GSE1: variants seen among roughly 807,000 people sequenced by gnomAD.
GSE1 encodes Gse1 coiled-coil protein.
Under a neutral mutation model 112.6 loss-of-function variants are expected in GSE1, and 32 were observed. The observed-to-expected ratio is 0.28, with a 90% CI of 0.21 to 0.38. The LOEUF (loss-of-function observed/expected upper bound fraction) is 0.38, where lower values mean the gene tolerates loss of function less well. Among genes scored for constraint, GSE1 ranks in the 10% least tolerant of loss-of-function variants. The pLI is 1.00. For missense variants in GSE1, 2,348 were observed against 1,699.2 expected, an observed-to-expected ratio of 1.38 and a Z score of -6.71; for synonymous variants, 1,115 against 735.6, an observed-to-expected ratio of 1.52 and a Z score of -8.35.
intron 1 of GSE1, chr16:85,580,163 A>G (rs894213293): frequency 6.6e-6 from 1 of 152,356 alleles, no homozygotes; most frequent in African/African-American, 2.4e-5. Context: ...CAGAGGCCCC[A>G]TGGCTGGAAC....
chr16:85,519,578 AG>A (rs2052094487), intron 2 of GSE1, among the ~76,000 whole-genome samples: 5 of 49,120 alleles, frequency 1.0e-4, no homozygotes, highest in Non-Finnish European at 1.4e-4. Flanking sequence ...CACCATCACC[AG>A]TCTCCATCAT....
At chr16:85,205,952 C>T (rs1248497178) in intron 1 of GSE1, among the ~76,000 whole-genome samples, 1 of 152,250 alleles carries the variant, frequency 6.6e-6, no homozygotes, top group Non-Finnish European at 1.5e-5. Context: ...ACAGCTCCTC[C>T]CTCACGGAGC....
At chr16:85,266,038 C>T (rs187856657) in intron 1 of GSE1, among the ~76,000 whole-genome samples, 227 of 152,268 alleles carry the variant, frequency 1.5e-3, no homozygotes, top group Non-Finnish European at 1.8e-3. Flanking sequence ...TTTCAGGCCG[C>T]GGCGCTGGGC....
intron 1 of GSE1, among the ~76,000 whole-genome samples, chr16:85,250,351 G>A (rs1193184503): frequency 2.0e-5 from 3 of 152,200 alleles, no homozygotes; most frequent in Admixed American, 6.5e-5. Flanking sequence ...CTGCAGGACC[G>A]GCTGGCAGTT....
intron 1 of GSE1, among the ~76,000 whole-genome samples, chr16:85,628,499 C>T (rs371562074): frequency 2.4e-4 from 37 of 152,270 alleles, no homozygotes; most frequent in African/African-American, 8.7e-4. Context: ...GAGGTAGCCT[C>T]AGACCCAGGC....
chr16:85,400,417 T>C (rs1444039908), intron 2 of GSE1, among the ~76,000 whole-genome samples: 1 of 152,062 alleles, frequency 6.6e-6, no homozygotes, highest in Non-Finnish European at 1.5e-5. Context: ...GTTGCATGTA[T>C]GTCTTTGTGT....
At chr16:85,504,705 T>C (rs1423762209) in intron 2 of GSE1, among the ~76,000 whole-genome samples, 1 of 152,130 alleles carries the variant, frequency 6.6e-6, no homozygotes, top group Non-Finnish European at 1.5e-5. Flanking sequence ...AGTAAATTTA[T>C]TTGTCGGGAT....
intron 1 of GSE1, among the ~76,000 whole-genome samples, chr16:85,569,134 C>T (rs2045878079): frequency 6.6e-6 from 1 of 152,220 alleles, no homozygotes; most frequent in Non-Finnish European, 1.5e-5. Flanking sequence ...TCCTTTTCTC[C>T]CCGACAGGGC....
intron 1 of GSE1, among the ~76,000 whole-genome samples, chr16:85,334,123 T>C (rs2046433161): frequency 6.6e-6 from 1 of 152,210 alleles, no homozygotes; most frequent in Non-Finnish European, 1.5e-5. Flanking sequence ...CCAAGCTGTC[T>C]TCTGAGCCCA....
chr16:85,376,011 G>C (rs535552531), intron 2 of GSE1, among the ~76,000 whole-genome samples: 1 of 152,250 alleles, frequency 6.6e-6, no homozygotes, highest in Admixed American at 6.5e-5. Context: ...ATTCCCACAG[G>C]GAACCAGACC....
chr16:85,642,419 C>T (rs1238594829), intron 2 of GSE1, among the ~76,000 whole-genome samples: 6 of 152,216 alleles, frequency 3.9e-5, no homozygotes, highest in Non-Finnish European at 8.8e-5. Context: ...CCTGGGTTCC[C>T]ACCCTGGCCG....
At chr16:85,403,435 T>A (rs1314972744) in intron 2 of GSE1, among the ~76,000 whole-genome samples, 2 of 151,630 alleles carry the variant, frequency 1.3e-5, no homozygotes, top group African/African-American at 4.8e-5. Flanking sequence ...AGAATGAGGG[T>A]CTCTTGGTTG....
upstream of GSE1, among the ~76,000 whole-genome samples, chr16:85,553,445 C>T (rs1319616811): frequency 6.6e-6 from 1 of 151,578 alleles, no homozygotes; most frequent in African/African-American, 2.4e-5. Flanking sequence ...TGGCGGCGGG[C>T]GCGGGCGGCC....
intron 2 of GSE1, among the ~76,000 whole-genome samples, chr16:85,640,847 C>T (rs1244759422): frequency 2.0e-5 from 3 of 152,248 alleles, no homozygotes; most frequent in East Asian, 1.9e-4. Context: ...CTGTCTCCCG[C>T]GCAGGTGTGA....
chr16:85,445,448 G>C (rs2049486634), intron 2 of GSE1, among the ~76,000 whole-genome samples: 1 of 152,206 alleles, frequency 6.6e-6, no homozygotes, highest in Non-Finnish European at 1.5e-5. Flanking sequence ...GAGGGGGGGC[G>C]GCCAGTCCCC....
At chr16:85,244,082 C>A (rs796885422) in intron 1 of GSE1, among the ~76,000 whole-genome samples, 3 of 152,244 alleles carry the variant, frequency 2.0e-5, no homozygotes, top group African/African-American at 7.2e-5. Context: ...GCGGAGATTG[C>A]ACCATTGCAC....
rs1316081075 is a variant in GSE1 at position 85,618,858 on chromosome 16, C to G, written c.7+5460C>G. On this transcript the variant is annotated intron_variant, in intron 1 of 15. Coordinates refer to ENST00000253458, the MANE Select transcript of GSE1 (RefSeq NM_014615.5). ...AAATTTTTTTGTGGAGACAGGGTCT[C>G]TCACTGTGTTGCCCAGGGTGGTCTC... Among the ~76,000 whole-genome samples the G allele has an allele frequency of 5.9e-5, 9 of 152,244 alleles. No homozygotes were observed. The East Asian group carries it at 1.3e-3, about 23-fold the overall frequency.
intron 1 of GSE1, among the ~76,000 whole-genome samples, chr16:85,292,142 CTTTT>C (rs34933476): frequency 2.2e-5 from 3 of 137,810 alleles, no homozygotes; most frequent in Non-Finnish European, 4.8e-5. Context: ...AAGAATGAAC[CTTTT>C]TTTTTTTTTT....
intron 1 of GSE1, among the ~76,000 whole-genome samples, chr16:85,293,972 G>A (rs2045292829): frequency 6.6e-6 from 1 of 152,216 alleles, no homozygotes; most frequent in African/African-American, 2.4e-5. Context: ...CGGGAGCAAT[G>A]CCAACCCAGC....
Sources: gnomAD v4.1 joint callset for allele counts (sites outside exome capture counted in the v4.1 genomes callset) on GRCh38, gnomAD v4.1.1 for gene constraint, MANE v1.5 for transcripts, NCBI Gene and HGNC (gene_info 2026-07-23, HGNC 2026-07-21) for gene names.